The following MTRES1 variants were observed in gnomAD, a reference collection of about 807,000 sequenced individuals.
MTRES1 encodes mitochondrial transcription rescue factor 1.
Under a neutral mutation model 17.4 loss-of-function variants are expected in MTRES1, and 11 were observed. The ratio of observed to expected loss-of-function variants is 0.63; its 90% CI spans 0.40 to 1.05. The LOEUF (loss-of-function observed/expected upper bound fraction) is 1.05, where lower values mean the gene tolerates loss of function less well. Among genes scored for constraint, MTRES1 ranks in the 50% least tolerant of loss-of-function variants. The pLI is 0.00. For synonymous variants in MTRES1, 94 were observed against 99.6 expected, an observed-to-expected ratio of 0.94 and a Z score of 0.34; for missense variants, 268 against 276.2, an observed-to-expected ratio of 0.97 and a Z score of 0.21.
At chr6:107,050,459 G>T (rs185431594) in intron 3 of MTRES1, among the ~76,000 whole-genome samples, 2 of 151,226 alleles carry the variant, frequency 1.3e-5, no homozygotes, top group Non-Finnish European at 2.9e-5. Flanking sequence ...GCTACTCTGC[G>T]CAGGGACTAT....
chr6:107,039,712 C>G (rs782226357), intron 1 of MTRES1, 37 bp from the exon 2 acceptor site: 1 of 1,555,908 alleles, frequency 6.4e-7, no homozygotes, highest in Non-Finnish European at 8.6e-7. Context: ...CATGACACTG[C>G]ACTTGTGAGA....
At chr6:107,039,173 T>G (rs1425882513) in intron 1 of MTRES1, among the ~76,000 whole-genome samples, 1 of 152,178 alleles carries the variant, frequency 6.6e-6, no homozygotes, top group Non-Finnish European at 1.5e-5. Context: ...GAACCAGTGC[T>G]TTCACATATA....
At chr6:107,030,505 G>A (rs1219751208) in intron 1 of MTRES1, among the ~76,000 whole-genome samples, 12 of 152,288 alleles carry the variant, frequency 7.9e-5, no homozygotes, top group East Asian at 5.8e-4. Flanking sequence ...AGGAAACCCG[G>A]TGCAGTCTTC....
rs183150512 is a variant in MTRES1, at chr6:107,035,249, G to A, written c.-12-4500G>A. ...CCCAGGTTCAAGCAATTCTCCTGCC[G>A]CAGCTTCCCAAGTAGCTGGGATTAC... is the stretch of plus-strand genomic sequence containing the variant. On this transcript the variant is annotated intron_variant, in intron 1 of 3. Transcript: ENST00000311381. Among the ~76,000 whole-genome samples the A allele has an allele frequency of 7.9e-4, 119 of 150,810 alleles. No individual in the cohort carries two copies. In the East Asian group the frequency reaches 8.1e-3, roughly 10 times the overall value.
At chr6:107,029,997 T>A in intron 1 of MTRES1, 1 of 685,556 alleles carries the variant, frequency 1.5e-6, no homozygotes, top group Non-Finnish European at 2.7e-6. Context: ...GGGTGTTTTT[T>A]TTTTTGTCTA....
At chr6:107,045,740 AGTGTGGAAGACACAAGACACGAG>A (rs782450307) in intron 3 of MTRES1, among the ~76,000 whole-genome samples, 46 of 152,370 alleles carry the variant, frequency 3.0e-4, no homozygotes, top group Admixed American at 3.3e-4. Context: ...ACCCTTAAAA[AGTGTGGAAGACACAAGACACGAG>A]GTATTGGAAG....
At chr6:107,039,413 G>A (rs1204555852) in intron 1 of MTRES1, among the ~76,000 whole-genome samples, 1 of 151,966 alleles carries the variant, frequency 6.6e-6, no homozygotes, top group Non-Finnish European at 1.5e-5. Flanking sequence ...TCTGCCTCCT[G>A]GGTTCAAGTG....
Position 107,051,376 on chromosome 6 carries a change from T to C in MTRES1, c.*140T>C. On this transcript the variant is annotated 3_prime_UTR_variant, in exon 4 of 4. Transcript: ENST00000311381. ...GCCATTTTGTGGAAATTGGGATCCA[T>C]ATCTGGAGACACTTCCCAAGGCCTG... is the stretch of plus-strand genomic sequence containing the variant. The C allele has an allele frequency of 1.4e-6, 1 of 712,660 alleles. No individual in the cohort carries two copies. Among genetic ancestry groups the C allele is most frequent in the Non-Finnish European group, 2.2e-6 (1 of 445,472 alleles). The allele number at this position is 712,660 out of a possible 1,614,324, so 44.1% of individuals were successfully genotyped here. A position where few individuals can be genotyped will look rare whatever the true frequency, so the allele number is the denominator to read the frequency against.
intron 3 of MTRES1, among the ~76,000 whole-genome samples, chr6:107,050,090 C>T (rs1258879975): frequency 6.6e-6 from 1 of 152,212 alleles, no homozygotes; most frequent in Non-Finnish European, 1.5e-5. Context: ...CGGTATCTGT[C>T]TTGGGCTGTC....
chr6:107,036,607 G>GCCGA (rs1479557883), intron 1 of MTRES1, among the ~76,000 whole-genome samples: 9 of 152,048 alleles, frequency 5.9e-5, no homozygotes, highest in Non-Finnish European at 7.4e-5. Context: ...ACTTTGGGAG[G>GCCGA]CCGACGCAGG....
At chr6:107,037,037 C>T (rs1466785448) in intron 1 of MTRES1, among the ~76,000 whole-genome samples, 2 of 152,060 alleles carry the variant, frequency 1.3e-5, no homozygotes, top group Non-Finnish European at 2.9e-5. Flanking sequence ...GCCTCAGCTT[C>T]CCAAAGTGCT....
intron 1 of MTRES1, among the ~76,000 whole-genome samples, chr6:107,036,626 G>A (rs55868000): frequency 3.7e-4 from 57 of 152,148 alleles, no homozygotes; most frequent in African/African-American, 1.4e-3. Flanking sequence ...GGCAGATCAC[G>A]AGGTCAGGAG....
At chr6:107,035,124 G>T (rs1773965985) in intron 1 of MTRES1, among the ~76,000 whole-genome samples, 1 of 151,996 alleles carries the variant, frequency 6.6e-6, no homozygotes, top group Non-Finnish European at 1.5e-5. Context: ...TCATCCCTCA[G>T]AGGGTGCTTT....
intron 1 of MTRES1, among the ~76,000 whole-genome samples, chr6:107,039,195 T>C (rs182696966): frequency 1.3e-3 from 199 of 152,336 alleles, no homozygotes; most frequent in African/African-American, 4.5e-3. Flanking sequence ...TCATATCACA[T>C]TGGACCTTCC....
chr6:107,041,854 C>G (rs190501683), intron 2 of MTRES1, among the ~76,000 whole-genome samples: 5 of 152,162 alleles, frequency 3.3e-5, no homozygotes, highest in Admixed American at 3.3e-4. Context: ...CTGATTCCCT[C>G]TCTGCTAGAT....
chr6:107,032,429 T>C (rs1410547469), intron 1 of MTRES1, among the ~76,000 whole-genome samples: 1 of 152,108 alleles, frequency 6.6e-6, no homozygotes, highest in African/African-American at 2.4e-5. Context: ...CAAGAATGCC[T>C]GAGCTGGGTG....
At chr6:107,045,821 G>C (rs1774372262) in intron 3 of MTRES1, among the ~76,000 whole-genome samples, 1 of 152,230 alleles carries the variant, frequency 6.6e-6, no homozygotes, top group African/African-American at 2.4e-5. Flanking sequence ...AGAGAAGTTA[G>C]ACATACTTTG....
In MTRES1 at chr6:107,039,516, T is replaced by C. The variant is rs140169000; in HGVS notation, c.-12-233T>C. Among the ~76,000 whole-genome samples, 1,227 of 151,746 alleles carry C rather than the reference T, an allele frequency of 8.1e-3. 20 individuals carry two copies. Among genetic ancestry groups the C allele is most frequent in the African/African-American group, 0.028 (1,162 of 41,368 alleles). On this transcript the variant is annotated intron_variant, in intron 1 of 3. Coordinates refer to ENST00000311381, the MANE Select transcript of MTRES1 (RefSeq NM_016487.5). Reference sequence around the variant, plus strand: ...TGTATTTTTAGTAGAGATGGGGTTTTGCCATGTTGGCCAGGCTGGTCTTGT... The same window carrying C: ...TGTATTTTTAGTAGAGATGGGGTTTCGCCATGTTGGCCAGGCTGGTCTTGT...
intron 1 of MTRES1, among the ~76,000 whole-genome samples, chr6:107,031,284 G>A (rs575527478): frequency 1.1e-3 from 170 of 151,458 alleles, no homozygotes; most frequent in African/African-American, 3.7e-3. Context: ...GGAGGCTGAG[G>A]TGGGAGACTA....
Sources: allele counts gnomAD v4.1 joint callset (sites outside exome capture counted in the v4.1 genomes callset), GRCh38; gene constraint gnomAD v4.1.1; transcripts MANE v1.5; gene names NCBI Gene and HGNC (gene_info 2026-07-23, HGNC 2026-07-21).